The following PARP15 variants were observed in gnomAD, a reference collection of about 807,000 sequenced individuals.
PARP15 encodes poly(ADP-ribose) polymerase family member 15, also known as protein mono-ADP-ribosyltransferase PARP15.
Under a neutral mutation model 62.1 loss-of-function variants are expected in PARP15, and 50 were observed. That is an observed-to-expected ratio of 0.81 (90% CI 0.64 to 1.02). The LOEUF (loss-of-function observed/expected upper bound fraction) is 1.02. Among genes scored for constraint, PARP15 ranks in the 50% least tolerant of loss-of-function variants. The pLI, the probability that PARP15 is intolerant of heterozygous loss-of-function variation, is 0.00. For synonymous variants in PARP15, 309 were observed against 293.1 expected (o/e 1.05, Z -0.55); for missense variants, 820 against 826.5 (o/e 0.99, Z 0.10).
intron 1 of PARP15, among the ~76,000 whole-genome samples, chr3:122,599,984 G>A (rs1934666862): frequency 6.6e-6 from 1 of 152,062 alleles, no homozygotes; most frequent in Admixed American, 6.6e-5. Flanking sequence ...AATAAATAAA[G>A]CTATTATAAT....
chr3:122,577,776 C>G lies in PARP15; in HGVS notation c.109C>G (p.Arg37Gly), dbSNP rs2080707961. The G allele has an allele frequency of 2.6e-6, 4 of 1,551,362 alleles. No homozygotes were observed. The African/African-American group carries it at 4.1e-5, about 16-fold the overall frequency. ...AGVTSRAGRD[R>G]EAGSVLPAGN... ...TGTTACTTCCAGAGCCGGACGAGAT[C>G]GGGAGGCGGGGAGCGTGCTGCCGGC... Residue 37 changes from arginine (R) to glycine (G), a missense_variant, in exon 1 of 12, where the codon CGG becomes GGG. Transcript: ENST00000464300.
intron 9 of PARP15, among the ~76,000 whole-genome samples, chr3:122,628,069 G>T (rs1291375424): frequency 6.6e-6 from 1 of 152,138 alleles, no homozygotes. Context: ...TCTCTTCTCA[G>T]CTATGTTGTC....
At chr3:122,634,435 C>A (rs1937237541) in intron 10 of PARP15, among the ~76,000 whole-genome samples, 1 of 151,960 alleles carries the variant, frequency 6.6e-6, no homozygotes, top group Non-Finnish European at 1.5e-5. Flanking sequence ...GAAGGAGAAC[C>A]AGTAGAGGGT....
In PARP15 at chr3:122,636,754, T is replaced by G. The variant is rs1937397918; in HGVS notation, c.*654T>G. The G allele has an allele frequency of 6.6e-6, 1 of 152,314 alleles. No individual in the cohort carries two copies. Among genetic ancestry groups the G allele is most frequent in the Non-Finnish European group, 1.5e-5 (1 of 68,132 alleles). The allele number at this position is 152,314 out of a possible 1,614,324, so 9.4% of individuals were successfully genotyped here. On this transcript the variant is annotated 3_prime_UTR_variant, in exon 12 of 12. Coordinates refer to ENST00000464300, the MANE Select transcript of PARP15 (RefSeq NM_001113523.3). The stretch of plus-strand genomic sequence containing the variant: ...TTCAGGCATGGCTTACCTGGATCAT[T>G]CTGCTAGGGTCTCTCTGAAGTTACA...
At chr3:122,611,765 A>G (rs1031632256) in intron 3 of PARP15, among the ~76,000 whole-genome samples, 5 of 150,816 alleles carry the variant, frequency 3.3e-5, no homozygotes, top group Non-Finnish European at 7.4e-5. Context: ...CCCAGGCTGG[A>G]GTGCAATGGC....
rs1291462259 is a variant in PARP15 at position 122,638,100 on chromosome 3, T to A, written c.*2000T>A. ...TTGCTGAGAATGATGGTTTCCAGCTTCATCCATGTCCCTACAAAGGACATG... is the reference window on the plus strand; with the variant it reads ...TTGCTGAGAATGATGGTTTCCAGCTACATCCATGTCCCTACAAAGGACATG... On this transcript the variant is annotated 3_prime_UTR_variant, in exon 12 of 12. Transcript: ENST00000464300. The A allele has an allele frequency of 6.6e-6, 1 of 152,180 alleles. No individual in the cohort carries two copies. The highest frequency in any genetic ancestry group is 1.5e-5 in the Non-Finnish European group (1 of 68,032). 9.4% of individuals were successfully genotyped at this position (152,180 alleles called of 1,614,324 possible).
At chr3:122,620,013 G>A (rs1936240640) in intron 7 of PARP15, among the ~76,000 whole-genome samples, 170 bp downstream of exon 7, 1 of 152,090 alleles carries the variant, frequency 6.6e-6, no homozygotes, top group Admixed American at 6.6e-5. Flanking sequence ...AGGCTATGGG[G>A]GAGAGGTTCT....
chr3:122,620,968 G>C (rs970347944), intron 7 of PARP15, among the ~76,000 whole-genome samples: 1 of 152,164 alleles, frequency 6.6e-6, no homozygotes, highest in African/African-American at 2.4e-5. Context: ...TCACACCTCT[G>C]TGCCACAGAG....
At chr3:122,582,615 G>C (rs1287080179) in intron 1 of PARP15, among the ~76,000 whole-genome samples, 1 of 152,062 alleles carries the variant, frequency 6.6e-6, no homozygotes, top group African/African-American at 2.4e-5. Flanking sequence ...TTGCTGTTCA[G>C]ATTTTCTCCT....
At chr3:122,615,247 C>G in intron 4 of PARP15, 3 of 1,284,808 alleles carry the variant, frequency 2.3e-6, no homozygotes, top group South Asian at 1.3e-5. Flanking sequence ...ACTTCAATGT[C>G]TGAGGTTTTC....
At chr3:122,623,716 G>T (rs1298773930) in intron 8 of PARP15, among the ~76,000 whole-genome samples, 1 of 152,202 alleles carries the variant, frequency 6.6e-6, no homozygotes, top group Non-Finnish European at 1.5e-5. Flanking sequence ...TGTCTTCTCT[G>T]CCCCGTGTTG....
intron 1 of PARP15, chr3:122,594,556 C>T (rs777724516): frequency 9.2e-5 from 90 of 982,194 alleles, no homozygotes; most frequent in Middle Eastern, 5.2e-4. Context: ...GGGTAGGCAA[C>T]GTAGGGTAAG....
At chr3:122,591,493 T>C (rs1344008188) in intron 1 of PARP15, among the ~76,000 whole-genome samples, 1 of 152,214 alleles carries the variant, frequency 6.6e-6, no homozygotes, top group Non-Finnish European at 1.5e-5. Flanking sequence ...CCAGGCACAG[T>C]GGCTCACGCC....
intron 8 of PARP15, among the ~76,000 whole-genome samples, chr3:122,625,651 G>A (rs558424264): frequency 3.3e-5 from 5 of 152,334 alleles, no homozygotes; most frequent in South Asian, 2.1e-4. Flanking sequence ...ACATTAGGAC[G>A]CTGCCAGGTA....
Position 122,616,015 on chromosome 3 carries a change from A to G in PARP15, c.850+158A>G, listed in dbSNP as rs150547960. ...GCATGTCCCATTGTCTGGGCACACA[A>G]AGAAGCAATCGCATATTAACATGAA... On this transcript the variant is annotated intron_variant, in intron 5 of 11. Transcript: ENST00000464300. Among the ~76,000 whole-genome samples the G allele has an allele frequency of 1.4e-4, 21 of 152,370 alleles. No individual in the cohort carries two copies. The East Asian group carries it at 3.5e-3, about 25-fold the overall frequency.
intron 1 of PARP15, among the ~76,000 whole-genome samples, chr3:122,595,146 A>T (rs550019061): frequency 6.6e-6 from 1 of 152,194 alleles, no homozygotes; most frequent in East Asian, 1.9e-4. Flanking sequence ...AACAGGTTCT[A>T]TGGGGATCTA....
chr3:122,635,707 C>G, intron 11 of PARP15, 104 bp from the exon 12 acceptor site: 2 of 1,315,436 alleles, frequency 1.5e-6, no homozygotes, highest in Non-Finnish European at 2.1e-6. Flanking sequence ...GCCAACACAC[C>G]TGGCTAAAAC....
intron 1 of PARP15, among the ~76,000 whole-genome samples, chr3:122,586,693 A>C (rs1052220585): frequency 6.6e-6 from 1 of 152,156 alleles, no homozygotes; most frequent in African/African-American, 2.4e-5. Context: ...CAGAAAGTAC[A>C]GAGTTCCTAT....
chr3:122,592,567 C>T (rs957141242), intron 1 of PARP15, among the ~76,000 whole-genome samples: 1 of 151,104 alleles, frequency 6.6e-6, no homozygotes, highest in African/African-American at 2.4e-5. Context: ...AACAAACCTG[C>T]ACATCCTGCA....
Sources: allele counts gnomAD v4.1 joint callset (sites outside exome capture counted in the v4.1 genomes callset), GRCh38; gene constraint gnomAD v4.1.1; transcripts MANE v1.5; gene names NCBI Gene and HGNC (gene_info 2026-07-23, HGNC 2026-07-21).